THSD7A: variants seen among roughly 807,000 people sequenced by gnomAD.
THSD7A encodes thrombospondin type-1 domain-containing protein 7A.
Under a neutral mutation model 231.3 loss-of-function variants are expected in THSD7A, and 96 were observed. The ratio of observed to expected loss-of-function variants is 0.41; its 90% CI spans 0.35 to 0.49. The LOEUF is 0.49. THSD7A is among the 20% of genes least tolerant of loss of function. The pLI, the probability that THSD7A is intolerant of heterozygous loss-of-function variation, is 0.05. For synonymous variants in THSD7A, 940 were observed against 743.3 expected (o/e 1.26, Z -4.30); for missense variants, 2,290 against 2,070.2 (o/e 1.11, Z -2.06).
intron 1 of THSD7A, among the ~76,000 whole-genome samples, chr7:11,732,491 G>A (rs1781770995): frequency 6.6e-6 from 1 of 151,760 alleles, no homozygotes; most frequent in African/African-American, 2.4e-5. Context: ...GTATATCAGT[G>A]TCCTTTTACT....
chr7:11,404,050 A>G (rs1316744713), intron 22 of THSD7A, among the ~76,000 whole-genome samples: 1 of 152,206 alleles, frequency 6.6e-6, no homozygotes, highest in Non-Finnish European at 1.5e-5. Flanking sequence ...TAGATTTGCA[A>G]TTACTTTAAT....
chr7:11,715,729 G>T (rs1781114046), intron 1 of THSD7A, among the ~76,000 whole-genome samples: 1 of 151,338 alleles, frequency 6.6e-6, no homozygotes, highest in Non-Finnish European at 1.5e-5. Flanking sequence ...CAGAAGCCCA[G>T]ACCCCCATCC....
chr7:11,611,879 T>TATCTATC (rs1780945495), intron 2 of THSD7A, among the ~76,000 whole-genome samples: 1 of 151,444 alleles, frequency 6.6e-6, no homozygotes, highest in African/African-American at 2.4e-5. Flanking sequence ...TCTATCTATC[T>TATCTATC]ATCTATCTGT....
intron 6 of THSD7A, among the ~76,000 whole-genome samples, chr7:11,500,834 G>A (rs573375873): frequency 3.9e-5 from 6 of 151,978 alleles, no homozygotes; most frequent in South Asian, 2.1e-4. Flanking sequence ...TACTTGGGAG[G>A]CTGAGGCAGA....
At chr7:11,570,551 G>C (rs1404326576) in intron 4 of THSD7A, among the ~76,000 whole-genome samples, 1 of 152,130 alleles carries the variant, frequency 6.6e-6, no homozygotes, top group African/African-American at 2.4e-5. Flanking sequence ...TAAATACCCT[G>C]TTTTGATCAT....
intron 1 of THSD7A, among the ~76,000 whole-genome samples, chr7:11,645,050 G>T (rs1782228037): frequency 1.3e-5 from 2 of 151,912 alleles, no homozygotes; most frequent in South Asian, 4.1e-4. Context: ...TTGCCCAACT[G>T]ATTTTTCAAA....
chr7:11,534,882 G>T (rs1455811255), intron 6 of THSD7A, among the ~76,000 whole-genome samples: 1 of 152,176 alleles, frequency 6.6e-6, no homozygotes. Context: ...AGTGTCATGT[G>T]ACTGTTGCCC....
intron 2 of THSD7A, among the ~76,000 whole-genome samples, chr7:11,630,728 G>A (rs978010653): frequency 4.6e-5 from 7 of 152,122 alleles, no homozygotes; most frequent in Non-Finnish European, 4.4e-5. Context: ...TCGACAAAAC[G>A]AGATAGGTTC....
chr7:11,415,735 C>T (rs747027336), intron 17 of THSD7A, among the ~76,000 whole-genome samples: 1 of 152,194 alleles, frequency 6.6e-6, no homozygotes, highest in Non-Finnish European at 1.5e-5. Context: ...ATAAAACCTC[C>T]TGAACACCTC....
At chr7:11,712,803 G>T (rs980596948) in intron 1 of THSD7A, among the ~76,000 whole-genome samples, 8 of 150,898 alleles carry the variant, frequency 5.3e-5, no homozygotes, top group African/African-American at 1.9e-4. Flanking sequence ...AAACTGTTCT[G>T]TTCTCCATGT....
intron 2 of THSD7A, among the ~76,000 whole-genome samples, chr7:11,601,179 TC>T (rs1780538096): frequency 1.3e-5 from 2 of 152,200 alleles, no homozygotes; most frequent in Non-Finnish European, 2.9e-5. Context: ...AATATTTTTT[TC>T]GTATTCATAT....
At chr7:11,773,779 A>T (rs913307464) in intron 1 of THSD7A, among the ~76,000 whole-genome samples, 4 of 152,158 alleles carry the variant, frequency 2.6e-5, no homozygotes, top group Non-Finnish European at 5.9e-5. Flanking sequence ...GTAATTGGGA[A>T]TTTCTACATG....
rs373674367 is a variant in THSD7A at position 11,531,537 on chromosome 7, T to C, written c.1822+9882A>G. Among the ~76,000 whole-genome samples, 8 of 152,210 alleles carry C rather than the reference T, an allele frequency of 5.3e-5. No homozygotes were observed. The East Asian group carries it at 1.3e-3, about 26-fold the overall frequency. On this transcript the variant is annotated intron_variant, in intron 6 of 27. Coordinates refer to ENST00000423059, the MANE Select transcript of THSD7A (RefSeq NM_015204.3). ...TTCCTCAAATAGTCCAAGCATTTTC[T>C]ACCTCTGGGTCTTGCATTTAATGTT...
intron 1 of THSD7A, among the ~76,000 whole-genome samples, chr7:11,652,656 T>C (rs1005202510): frequency 2.0e-5 from 3 of 152,004 alleles, no homozygotes; most frequent in Non-Finnish European, 2.9e-5. Flanking sequence ...TACCATATTA[T>C]GTAAAACTTT....
chr7:11,376,574 C>A lies in THSD7A; in HGVS notation c.4885G>T (p.Ala1629Ser). Residue 1629 changes from alanine (A) to serine (S), a missense_variant, in exon 27 of 28, where the codon GCT (alanine) becomes TCT (serine). Ala to Ser is a moderately conservative substitution (Grantham distance 99). Transcript: ENST00000423059. ...TTTAATTATTTAAACACTCACCAAG[C>A]TAGATAAATCATGGAGACAATAAAG... ...LIFIVSMIYL[A>S]CKKPKKPQRR... 6.3e-7 allele frequency: 1 copy of A among 1,575,972 alleles called. No individual in the cohort carries two copies.
chr7:11,579,493 C>T lies in THSD7A; in HGVS notation c.1453+10967G>A, dbSNP rs145158945. On this transcript the variant is annotated intron_variant, in intron 4 of 27. Coordinates refer to ENST00000423059, the MANE Select transcript of THSD7A (RefSeq NM_015204.3). ...AAGTGCTTAAGGGTTACAAAAAGCA[C>T]GGATACTATAGTCCCTTGATAGTGT... Among the ~76,000 whole-genome samples the T allele has an allele frequency of 7.7e-3, 1,172 of 152,282 alleles. 8 individuals are homozygous for T. Among genetic ancestry groups the T allele is most frequent in the African/African-American group, 0.014 (566 of 41,560 alleles).
chr7:11,582,260 A>G (rs1791198439), intron 4 of THSD7A, among the ~76,000 whole-genome samples: 1 of 151,736 alleles, frequency 6.6e-6, no homozygotes. Context: ...AGTGTATAAT[A>G]ATACATAAGT....
chr7:11,564,296 G>T (rs1790210003), intron 4 of THSD7A, among the ~76,000 whole-genome samples: 1 of 152,182 alleles, frequency 6.6e-6, no homozygotes, highest in South Asian at 2.1e-4. Flanking sequence ...TTATCACGTG[G>T]ACACTAACAG....
chr7:11,554,359 C>A (rs1397243362), intron 4 of THSD7A, among the ~76,000 whole-genome samples: 1 of 152,020 alleles, frequency 6.6e-6, no homozygotes, highest in Non-Finnish European at 1.5e-5. Flanking sequence ...AGCCAAGGAA[C>A]ACCAAGGATT....
Sources: gnomAD v4.1 joint callset for allele counts (sites outside exome capture counted in the v4.1 genomes callset) on GRCh38, gnomAD v4.1.1 for gene constraint, MANE v1.5 for transcripts, NCBI Gene and HGNC (gene_info 2026-07-23, HGNC 2026-07-21) for gene names.